The following ENTREP2 variants were observed in gnomAD, a reference collection of about 807,000 sequenced individuals.
ENTREP2 encodes endosomal transmembrane epsin interactor 2.
At chr15:29,623,274 A>G in the ENTREP2 span, among the ~76,000 whole-genome samples, 6 of 152,270 alleles carry the variant, frequency 3.9e-5, no homozygotes, top group Admixed American at 2.0e-4. Context: ...TGGCACCCCC[A>G]TGTCCTGAGT....
At chr15:29,653,560 TTGA>T in the ENTREP2 span, among the ~76,000 whole-genome samples, 6 of 152,322 alleles carry the variant, frequency 3.9e-5, no homozygotes, top group East Asian at 1.9e-4. Flanking sequence ...ATCCGATGGT[TTGA>T]TAAGTGTTTG....
the ENTREP2 span, among the ~76,000 whole-genome samples, chr15:29,200,817 C>T: frequency 1.3e-5 from 2 of 152,272 alleles, no homozygotes; most frequent in South Asian, 4.1e-4. Flanking sequence ...CTGCCTTGGC[C>T]TCCTGAAGTG....
At chr15:29,136,137 G>A in the ENTREP2 span, among the ~76,000 whole-genome samples, 1 of 152,234 alleles carries the variant, frequency 6.6e-6, no homozygotes, top group Non-Finnish European at 1.5e-5. Context: ...CTCTGAGCCT[G>A]TGGCCTCATC....
the ENTREP2 span, chr15:29,570,609 G>T: frequency 6.9e-7 from 1 of 1,451,034 alleles, no homozygotes; most frequent in Non-Finnish European, 9.1e-7. Context: ...AGCGCCATCT[G>T]CGTGGCCCCG....
At chr15:29,444,186 G>GAAAGAAAGAA in the ENTREP2 span, among the ~76,000 whole-genome samples, 1 of 63,436 alleles carries the variant, frequency 1.6e-5, no homozygotes, top group African/African-American at 5.6e-5. Flanking sequence ...AAGAAAGAAA[G>GAAAGAAAGAA]AAAGAAAGAA....
the ENTREP2 span, among the ~76,000 whole-genome samples, chr15:29,581,109 T>G: frequency 2.4e-3 from 362 of 152,300 alleles, no homozygotes; most frequent in African/African-American, 8.3e-3. Context: ...TATTTCAATA[T>G]CTTTAGAATA....
chr15:29,206,888 T>G, the ENTREP2 span, among the ~76,000 whole-genome samples: 1 of 152,228 alleles, frequency 6.6e-6, no homozygotes, highest in Admixed American at 6.5e-5. Flanking sequence ...CCTTCCGTGT[T>G]CTGCCTAAAC....
the ENTREP2 span, among the ~76,000 whole-genome samples, chr15:29,307,006 C>T: frequency 2.6e-5 from 4 of 152,040 alleles, no homozygotes; most frequent in Admixed American, 2.6e-4. Context: ...CCTCGGCCTC[C>T]CAAAATGCTG....
At chr15:29,382,996 C>T in the ENTREP2 span, among the ~76,000 whole-genome samples, 3 of 152,150 alleles carry the variant, frequency 2.0e-5, no homozygotes, top group Non-Finnish European at 4.4e-5. Flanking sequence ...GCTTCTCACT[C>T]CCCTGCGGTT....
chr15:29,556,772 C>G, the ENTREP2 span, among the ~76,000 whole-genome samples: 1 of 150,992 alleles, frequency 6.6e-6, no homozygotes, highest in Non-Finnish European at 1.5e-5. Flanking sequence ...GCCCCCCCCC[C>G]GCCCCACATG....
chr15:29,276,629 G>A, the ENTREP2 span, among the ~76,000 whole-genome samples: 2 of 152,232 alleles, frequency 1.3e-5, no homozygotes, highest in East Asian at 1.9e-4. Context: ...GCCTCAGGGC[G>A]AAGCCAACTC....
chr15:29,229,543 A>G, the ENTREP2 span, among the ~76,000 whole-genome samples: 2 of 152,152 alleles, frequency 1.3e-5, no homozygotes, highest in Non-Finnish European at 2.9e-5. Flanking sequence ...CCACTACATC[A>G]TATCTGAAAC....
chr15:29,207,010 G>C, the ENTREP2 span, among the ~76,000 whole-genome samples: 1 of 152,170 alleles, frequency 6.6e-6, no homozygotes, highest in African/African-American at 2.4e-5. Flanking sequence ...ATGCTCCGTA[G>C]GTTGGATGAC....
At chr15:29,233,169 G>A in the ENTREP2 span, among the ~76,000 whole-genome samples, 1 of 152,300 alleles carries the variant, frequency 6.6e-6, no homozygotes, top group Admixed American at 6.5e-5. Flanking sequence ...AAAAGTGCAA[G>A]TGGAAGTGGG....
the ENTREP2 span, among the ~76,000 whole-genome samples, chr15:29,435,447 G>T: frequency 2.0e-5 from 3 of 152,126 alleles, no homozygotes; most frequent in East Asian, 5.8e-4. Context: ...GTGCATCCTG[G>T]GTGATGCTTG....
At chr15:29,446,601 T>G in the ENTREP2 span, among the ~76,000 whole-genome samples, 69 of 152,332 alleles carry the variant, frequency 4.5e-4, no homozygotes, top group South Asian at 0.014. Context: ...GGCTTTTTCT[T>G]GATATACGTG....
chr15:29,634,797 CAG>C, the ENTREP2 span, among the ~76,000 whole-genome samples: 1 of 152,194 alleles, frequency 6.6e-6, no homozygotes, highest in Admixed American at 6.5e-5. Context: ...TCACATAACT[CAG>C]GGGAACACTT....
At chr15:29,649,531 G>T in the ENTREP2 span, among the ~76,000 whole-genome samples, 1 of 151,894 alleles carries the variant, frequency 6.6e-6, no homozygotes, top group Non-Finnish European at 1.5e-5. Flanking sequence ...GACCAGCCTG[G>T]CCAACATGGT....
chr15:29,304,678 G>A, the ENTREP2 span, among the ~76,000 whole-genome samples: 4 of 152,158 alleles, frequency 2.6e-5, no homozygotes, highest in Non-Finnish European at 5.9e-5. Context: ...AGCACACAGA[G>A]TAAAAGGCAG....
Sources: gnomAD v4.1 joint callset for allele counts (sites outside exome capture counted in the v4.1 genomes callset) on GRCh38, gnomAD v4.1.1 for gene constraint, MANE v1.5 for transcripts, NCBI Gene and HGNC (gene_info 2026-07-23, HGNC 2026-07-21) for gene names.